MCCC2: variants seen among roughly 807,000 people sequenced by gnomAD.
MCCC2 encodes methylcrotonoyl-CoA carboxylase beta chain, mitochondrial.
A neutral mutation model predicts 77.2 loss-of-function variants in MCCC2; 52 were observed. The observed-to-expected ratio is 0.67, with a 90% CI of 0.54 to 0.85. The LOEUF (loss-of-function observed/expected upper bound fraction) is 0.85. Ranked by LOEUF, MCCC2 falls within the 40% of genes least tolerant of loss-of-function variation. MCCC2 has a pLI of 0.00. For synonymous variants in MCCC2, 253 were observed against 248.4 expected (o/e 1.02, Z -0.18); for missense variants, 682 against 703.2 (o/e 0.97, Z 0.34).
rs1253546221 is a variant in MCCC2 at position 71,657,749 on chromosome 5, A to G, written c.*889A>G. 6.6e-6 allele frequency: 1 copy of G among 152,058 alleles called. No homozygotes were observed. Among genetic ancestry groups the G allele is most frequent in the Non-Finnish European group, 1.5e-5 (1 of 68,022 alleles). 9.4% of individuals were successfully genotyped at this position (152,058 alleles called of 1,614,324 possible). A position where few individuals can be genotyped will look rare whatever the true frequency, so the allele number is the denominator to read the frequency against. On this transcript the variant is annotated 3_prime_UTR_variant, in exon 17 of 17. Coordinates refer to ENST00000340941, the MANE Select transcript of MCCC2 (RefSeq NM_022132.5). Reference sequence around the variant, plus strand: ...ACCACATCTCCTTATTCTTAAATGTATGTGTTTCTCATGGTTTGATTTATT... The same window carrying G: ...ACCACATCTCCTTATTCTTAAATGTGTGTGTTTCTCATGGTTTGATTTATT...
intron 3 of MCCC2, among the ~76,000 whole-genome samples, chr5:71,596,628 G>A (rs1308245842): frequency 6.6e-6 from 1 of 152,152 alleles, no homozygotes; most frequent in Non-Finnish European, 1.5e-5. Flanking sequence ...AGCAAAGGGA[G>A]ACAGAAAGCA....
chr5:71,593,122 C>G (rs562510622), intron 2 of MCCC2, 130 bp downstream of exon 2: 27 of 773,912 alleles, frequency 3.5e-5, no homozygotes, highest in African/African-American at 2.7e-4. Flanking sequence ...GAGTCTTGCT[C>G]TCTTGCCCAG....
intron 1 of MCCC2, among the ~76,000 whole-genome samples, chr5:71,589,440 C>T (rs1019935088): frequency 5.9e-5 from 9 of 152,250 alleles, no homozygotes; most frequent in Non-Finnish European, 5.9e-5. Context: ...TTCAGGTCTG[C>T]TCCATGTGTC....
At chr5:71,632,273 C>A in intron 8 of MCCC2, 88 bp downstream of exon 8, 1 of 1,247,812 alleles carries the variant, frequency 8.0e-7, no homozygotes, top group Non-Finnish European at 1.2e-6. Context: ...GTTTCCAGTG[C>A]TAAACTTGCC....
At chr5:71,629,298 G>A (rs973670588) in intron 7 of MCCC2, among the ~76,000 whole-genome samples, 1 of 152,138 alleles carries the variant, frequency 6.6e-6, no homozygotes, top group African/African-American at 2.4e-5. Flanking sequence ...GAGGCAGAAA[G>A]TAGATTAGTT....
chr5:71,632,271 T>G (rs1746746668), intron 8 of MCCC2, 86 bp downstream of exon 8: 4 of 1,275,628 alleles, frequency 3.1e-6, no homozygotes, highest in Admixed American at 3.4e-5. Context: ...TTGTTTCCAG[T>G]GCTAAACTTG....
intron 7 of MCCC2, among the ~76,000 whole-genome samples, chr5:71,630,348 T>G (rs893955901): frequency 2.0e-5 from 3 of 152,242 alleles, no homozygotes; most frequent in African/African-American, 7.2e-5. Flanking sequence ...CTTTTGTTTA[T>G]CTTTTGAACT....
At chr5:71,633,332 A>G (rs2112432832) in intron 8 of MCCC2, among the ~76,000 whole-genome samples, 1 of 151,798 alleles carries the variant, frequency 6.6e-6, no homozygotes, top group East Asian at 1.9e-4. Context: ...TTAAGGGTGT[A>G]GATTCTGGAA....
chr5:71,620,795 A>G (rs1253151537), intron 6 of MCCC2, among the ~76,000 whole-genome samples: 1 of 152,166 alleles, frequency 6.6e-6, no homozygotes, highest in Non-Finnish European at 1.5e-5. Context: ...ACTGTCAGGT[A>G]TGTCTCATCC....
At position 71,587,380 on chromosome 5, in the gene MCCC2, G is replaced by A. The variant is rs942048122; in HGVS notation, c.-46G>A. 6.6e-6 allele frequency: 10 copies of A among 1,526,702 alleles called. No individual in the cohort carries two copies. The highest frequency in any genetic ancestry group is 8.8e-6 in the Non-Finnish European group (10 of 1,142,748). 94.6% of individuals were successfully genotyped at this position (1,526,702 alleles called of 1,614,324 possible). A position where few individuals can be genotyped will look rare whatever the true frequency, so the allele number is the denominator to read the frequency against. On this transcript the variant is annotated 5_prime_UTR_variant, in exon 1 of 17. Transcript: ENST00000340941. ...CAGGGAAGCGGCAGGGGAAAGCACC[G>A]GCTCCAGGCCAGCGTGGGCCGCTCT...
At chr5:71,604,066 T>C (rs1350409308) in intron 5 of MCCC2, among the ~76,000 whole-genome samples, 1 of 152,202 alleles carries the variant, frequency 6.6e-6, no homozygotes, top group African/African-American at 2.4e-5. Context: ...CTTAACTCTT[T>C]AAGAATTTAT....
chr5:71,628,414 G>A (rs1561839096), intron 7 of MCCC2, among the ~76,000 whole-genome samples: 2 of 151,886 alleles, frequency 1.3e-5, no homozygotes. Context: ...TTTTTCCTTT[G>A]GTTTCTTGTG....
At chr5:71,652,617 C>A in intron 15 of MCCC2, 52 bp from the exon 16 acceptor site, 1 of 1,368,852 alleles carries the variant, frequency 7.3e-7, no homozygotes, top group South Asian at 1.2e-5. Context: ...ATGATCTAAA[C>A]AGGGCCAGTT....
chr5:71,621,163 T>C (rs910468471), intron 6 of MCCC2, among the ~76,000 whole-genome samples: 1 of 152,116 alleles, frequency 6.6e-6, no homozygotes, highest in African/African-American at 2.4e-5. Context: ...GTTAATGCTG[T>C]TTGGCCCTGG....
chr5:71,609,572 A>T (rs1745830337), intron 6 of MCCC2, among the ~76,000 whole-genome samples: 1 of 150,078 alleles, frequency 6.7e-6, no homozygotes, highest in East Asian at 2.0e-4. Flanking sequence ...TCAGCTCATC[A>T]AAGTCATTCC....
At chr5:71,615,534 T>A (rs1200161927) in intron 6 of MCCC2, among the ~76,000 whole-genome samples, 2 of 152,180 alleles carry the variant, frequency 1.3e-5, no homozygotes, top group Non-Finnish European at 2.9e-5. Context: ...CACCTCTACA[T>A]CTCTACTTTT....
chr5:71,612,009 C>T (rs1474727041), intron 6 of MCCC2, among the ~76,000 whole-genome samples: 4 of 152,012 alleles, frequency 2.6e-5, no homozygotes, highest in East Asian at 1.9e-4. Flanking sequence ...AGGATGGTCT[C>T]GATCTCCTGA....
chr5:71,644,701 T>C (rs976499274), intron 12 of MCCC2, among the ~76,000 whole-genome samples: 2 of 152,130 alleles, frequency 1.3e-5, no homozygotes, highest in Non-Finnish European at 2.9e-5. Flanking sequence ...TATTGCTTTT[T>C]CTCTTGAAAT....
At chr5:71,609,299 T>C (rs1411198454) in intron 6 of MCCC2, among the ~76,000 whole-genome samples, 4 of 151,220 alleles carry the variant, frequency 2.6e-5, no homozygotes, top group African/African-American at 9.7e-5. Context: ...ACTTCCCTTC[T>C]CGCTTCATTT....
Sources: gnomAD v4.1 joint callset for allele counts (sites outside exome capture counted in the v4.1 genomes callset) on GRCh38, gnomAD v4.1.1 for gene constraint, MANE v1.5 for transcripts, NCBI Gene and HGNC (gene_info 2026-07-23, HGNC 2026-07-21) for gene names.